CDK19: variants seen among roughly 807,000 people sequenced by gnomAD.
The protein encoded by CDK19 is cyclin-dependent kinase 19.
A neutral mutation model predicts 68.3 loss-of-function variants in CDK19; 20 were observed. That is an observed-to-expected ratio of 0.29 (90% CI 0.21 to 0.43). CDK19 has a LOEUF of 0.43. Ranked by LOEUF, CDK19 falls within the 20% of genes least tolerant of loss-of-function variation. The pLI is 1.00. For synonymous variants in CDK19, 221 were observed against 222.8 expected, an observed-to-expected ratio of 0.99 and a Z score of 0.07; for missense variants, 339 against 623.5, an observed-to-expected ratio of 0.54 and a Z score of 4.86.
At chr6:110,782,868 G>C (rs765104049) in intron 1 of CDK19, among the ~76,000 whole-genome samples, 19 of 152,108 alleles carry the variant, frequency 1.2e-4, no homozygotes, top group Non-Finnish European at 2.5e-4. Flanking sequence ...TGAATGACTT[G>C]CTGTTGTTCT....
intron 4 of CDK19, among the ~76,000 whole-genome samples, chr6:110,644,070 G>A (rs931197464): frequency 2.0e-5 from 3 of 152,104 alleles, no homozygotes; most frequent in African/African-American, 7.2e-5. Flanking sequence ...AAGGCGGGCA[G>A]ATCACAAGGT....
chr6:110,671,085 G>T (rs549247592), intron 2 of CDK19, among the ~76,000 whole-genome samples: 17 of 151,358 alleles, frequency 1.1e-4, no homozygotes, highest in African/African-American at 3.6e-4. Context: ...GTTTTTTTTT[G>T]AAGAGTAGTG....
intron 12 of CDK19, among the ~76,000 whole-genome samples, chr6:110,618,143 AT>A (rs1340178729): frequency 6.6e-6 from 1 of 151,550 alleles, no homozygotes; most frequent in African/African-American, 2.4e-5. Context: ...CTATTCATTT[AT>A]TTTTTTTCAG....
chr6:110,749,830 T>C (rs1408902053), intron 1 of CDK19, among the ~76,000 whole-genome samples: 1 of 146,244 alleles, frequency 6.8e-6, no homozygotes, highest in Admixed American at 6.7e-5. Context: ...TGGAGTGCAG[T>C]GGCATGATCT....
chr6:110,630,824 C>G (rs1779392764), intron 6 of CDK19, among the ~76,000 whole-genome samples: 1 of 152,230 alleles, frequency 6.6e-6, no homozygotes, highest in African/African-American at 2.4e-5. Context: ...CAGTATTTAT[C>G]AATAATTTAC....
chr6:110,793,243 G>A (rs936857537), intron 1 of CDK19, among the ~76,000 whole-genome samples: 6 of 152,050 alleles, frequency 3.9e-5, no homozygotes, highest in African/African-American at 1.4e-4. Flanking sequence ...AAAAGAAAAT[G>A]TCTTTGTGAC....
rs9487476 is a variant in CDK19 at position 110,650,964 on chromosome 6, G to A, written c.457-12258C>T. Among the ~76,000 whole-genome samples, 674 of 152,242 alleles carry A rather than the reference G, an allele frequency of 4.4e-3. 5 individuals are homozygous for A. Among genetic ancestry groups the A allele is most frequent in the African/African-American group, 0.016 (654 of 41,538 alleles). Reference sequence around the variant, plus strand: ...AGGTTTGCAGGAGGGCAAGGGCAAGGTCAAGGTCATGGTGTTTAGAGTGGT... The same window carrying A: ...AGGTTTGCAGGAGGGCAAGGGCAAGATCAAGGTCATGGTGTTTAGAGTGGT... On this transcript the variant is annotated intron_variant, in intron 4 of 12. Transcript: ENST00000368911.
At chr6:110,627,194 T>C in intron 6 of CDK19, 49 bp from the exon 7 acceptor site, 1 of 1,395,778 alleles carries the variant, frequency 7.2e-7, no homozygotes, top group African/African-American at 1.4e-5. Flanking sequence ...TTGGTTATAA[T>C]TCCTAGATAT....
intron 12 of CDK19, among the ~76,000 whole-genome samples, chr6:110,619,623 C>A (rs1029568531): frequency 6.6e-6 from 1 of 151,754 alleles, no homozygotes; most frequent in East Asian, 1.9e-4. Flanking sequence ...AATCCCCCAC[C>A]TTTAAAAGCT....
At chr6:110,765,671 C>A (rs1289320745) in intron 1 of CDK19, among the ~76,000 whole-genome samples, 3 of 144,622 alleles carry the variant, frequency 2.1e-5, no homozygotes, top group Non-Finnish European at 4.5e-5. Flanking sequence ...TACAGCAAGA[C>A]TCCATCTCAA....
intron 2 of CDK19, among the ~76,000 whole-genome samples, chr6:110,710,096 A>G (rs1774832062): frequency 6.6e-6 from 1 of 152,248 alleles, no homozygotes; most frequent in Non-Finnish European, 1.5e-5. Flanking sequence ...ACACATAACA[A>G]TGCAAAGTAC....
chr6:110,798,721 A>G (rs567925484), intron 1 of CDK19, among the ~76,000 whole-genome samples: 52 of 150,246 alleles, frequency 3.5e-4, no homozygotes, highest in African/African-American at 1.2e-3. Flanking sequence ...AATGCTGAGA[A>G]AAAAAAAAAT....
chr6:110,811,810 C>T (rs929472455), intron 1 of CDK19, among the ~76,000 whole-genome samples: 2 of 151,624 alleles, frequency 1.3e-5, no homozygotes, highest in Admixed American at 6.6e-5. Context: ...GAGTTCAAGA[C>T]CAACCTGAAC....
At chr6:110,644,097 G>C (rs939927535) in intron 4 of CDK19, among the ~76,000 whole-genome samples, 24 of 152,044 alleles carry the variant, frequency 1.6e-4, no homozygotes, top group African/African-American at 5.8e-4. Context: ...TTTGAGACCA[G>C]CCTGGCCAAC....
At chr6:110,734,520 G>GCTCGCTCTCT (rs991736850) in intron 2 of CDK19, among the ~76,000 whole-genome samples, 36 of 85,776 alleles carry the variant, frequency 4.2e-4, no homozygotes, top group Admixed American at 7.4e-4. Flanking sequence ...GGTGAGCACT[G>GCTCGCTCTCT]CTCTCTCTCT....
At chr6:110,631,284 C>G (rs534276617) in intron 6 of CDK19, among the ~76,000 whole-genome samples, 1 of 152,196 alleles carries the variant, frequency 6.6e-6, no homozygotes, top group Non-Finnish European at 1.5e-5. Flanking sequence ...GTACTCTCCC[C>G]TACTCTCTCC....
chr6:110,623,912 T>C (rs1778917919), intron 8 of CDK19, among the ~76,000 whole-genome samples: 3 of 142,248 alleles, frequency 2.1e-5, no homozygotes, highest in South Asian at 2.1e-4. Flanking sequence ...TATATATACG[T>C]ATATATATAT....
At chr6:110,789,991 T>C (rs1352905883) in intron 1 of CDK19, among the ~76,000 whole-genome samples, 1 of 152,204 alleles carries the variant, frequency 6.6e-6, no homozygotes, top group East Asian at 1.9e-4. Context: ...TCTTTATAAA[T>C]CCTGTTACAG....
intron 1 of CDK19, among the ~76,000 whole-genome samples, chr6:110,754,959 A>G (rs1195840189): frequency 3.9e-5 from 6 of 152,080 alleles, no homozygotes; most frequent in Admixed American, 3.9e-4. Flanking sequence ...AGGAGGAAGA[A>G]AGAGCTGATC....
Sources: allele counts gnomAD v4.1 joint callset (sites outside exome capture counted in the v4.1 genomes callset), GRCh38; gene constraint gnomAD v4.1.1; transcripts MANE v1.5; gene names NCBI Gene and HGNC (gene_info 2026-07-23, HGNC 2026-07-21).